Variants in PEPD observed in about 807,000 individuals in gnomAD.
PEPD encodes peptidase D.
A neutral mutation model predicts 60.7 loss-of-function variants in PEPD; 53 were observed. The observed-to-expected ratio is 0.87, with a 90% CI of 0.70 to 1.10. The LOEUF (loss-of-function observed/expected upper bound fraction) is 1.10, where lower values mean the gene tolerates loss of function less well. Ranked by LOEUF, PEPD falls within the 50% of genes least tolerant of loss-of-function variation. The pLI, the probability that PEPD is intolerant of heterozygous loss-of-function variation, is 0.00. For missense variants in PEPD, 711 were observed against 711.9 expected (o/e 1.00, Z 0.01); for synonymous variants, 267 against 284.1 (o/e 0.94, Z 0.60).
intron 9 of PEPD, among the ~76,000 whole-genome samples, chr19:33,431,514 C>T (rs865984097): frequency 1.3e-5 from 2 of 152,196 alleles, no homozygotes; most frequent in Non-Finnish European, 2.9e-5. Flanking sequence ...TCGATGTTTC[C>T]TTCATTATCT....
intron 11 of PEPD, among the ~76,000 whole-genome samples, chr19:33,408,127 G>T (rs1346372243): frequency 6.6e-6 from 1 of 152,256 alleles, no homozygotes; most frequent in East Asian, 1.9e-4. Flanking sequence ...TAGGAGGGGG[G>T]CCTAGCCAGC....
intron 9 of PEPD, among the ~76,000 whole-genome samples, chr19:33,438,040 C>G (rs1239495874): frequency 6.6e-6 from 1 of 152,230 alleles, no homozygotes; most frequent in African/African-American, 2.4e-5. Context: ...GGAGCCGGTG[C>G]ATGAGAGCCA....
At chr19:33,480,840 G>GTGTGTGTGTGTGTGTATA (rs151181225) in intron 6 of PEPD, among the ~76,000 whole-genome samples, 1 of 150,856 alleles carries the variant, frequency 6.6e-6, no homozygotes, top group Non-Finnish European at 1.5e-5. Flanking sequence ...GTGTGTGTGT[G>GTGTGTGTGTGTGTGTATA]TATATCAAAA....
At chr19:33,478,313 G>A (rs1167137921) in intron 6 of PEPD, among the ~76,000 whole-genome samples, 5 of 152,128 alleles carry the variant, frequency 3.3e-5, no homozygotes, top group Admixed American at 6.6e-5. Flanking sequence ...CAAGCTTTAT[G>A]GCTACAAAAC....
intron 4 of PEPD, among the ~76,000 whole-genome samples, chr19:33,494,297 TGAG>T (rs1184755321): frequency 2.6e-5 from 4 of 151,558 alleles, no homozygotes; most frequent in African/African-American, 7.3e-5. Context: ...AGGGGGAGAG[TGAG>T]GAGAACTTGT....
Position 33,478,057 on chromosome 19 carries a change from C to T in PEPD, c.537G>A (p.Glu179=), listed in dbSNP as rs1970252004. Residue 179 remains glutamate (E), a synonymous_variant, in exon 7 of 15, where the codon GAG becomes GAA. Coordinates refer to ENST00000244137, the MANE Select transcript of PEPD (RefSeq NM_000285.4). ...FEVNNTILHP[E]IVECRVFKTD... is the part of the protein sequence containing the mutation. ...CAGGCCGTACTCACCACTCAACGAT[C>T]TCTGGGTGAAGAATGGTATTGTTGA... 1 of 1,611,198 alleles carries T rather than the reference C, an allele frequency of 6.2e-7. No individual in the cohort carries two copies. Among genetic ancestry groups the T allele is most frequent in the Admixed American group, 1.7e-5 (1 of 59,846 alleles).
Position 33,401,702 on chromosome 19 carries a change from C to T in PEPD, c.967+19G>A. ...AACGCCACGTCAGATGCGCCTCCCC[C>T]CACCGACCCGCTGCTCACCTGGCTT... On this transcript the variant is annotated intron_variant, in intron 12 of 14. Transcript: ENST00000244137. The T allele has an allele frequency of 3.1e-6, 5 of 1,600,352 alleles. No individual in the cohort carries two copies. Among genetic ancestry groups the T allele is most frequent in the East Asian group, 2.3e-5 (1 of 43,952 alleles).
chr19:33,500,179 C>T lies in PEPD; in HGVS notation c.393+759G>A, dbSNP rs564360055. 1.9e-3 allele frequency among the ~76,000 whole-genome samples: 296 copies of T among 152,362 alleles called. 2 individuals are homozygous for T. The highest frequency in any genetic ancestry group is 6.7e-3 in the African/African-American group (280 of 41,582). On this transcript the variant is annotated intron_variant, in intron 4 of 14. Coordinates refer to ENST00000244137, the MANE Select transcript of PEPD (RefSeq NM_000285.4). ...ACTTCTGGGTGCTTCACATTCTACA[C>T]GGCACTGACCTGCACAGGACGTGGG...
chr19:33,476,207 A>T (rs1568490613), intron 7 of PEPD, among the ~76,000 whole-genome samples: 1 of 152,136 alleles, frequency 6.6e-6, no homozygotes, highest in Non-Finnish European at 1.5e-5. Context: ...AACTTGAAGA[A>T]CACCAGCCCT....
intron 4 of PEPD, 45 bp downstream of exon 4, chr19:33,500,893 A>C (rs1970695758): frequency 1.8e-6 from 2 of 1,122,988 alleles, no homozygotes; most frequent in Admixed American, 1.7e-5. Flanking sequence ...AGTGGAAGGC[A>C]TGCTGGAAGC....
intron 5 of PEPD, among the ~76,000 whole-genome samples, chr19:33,492,630 T>G (rs1970522509): frequency 6.6e-6 from 1 of 152,226 alleles, no homozygotes; most frequent in South Asian, 2.1e-4. Flanking sequence ...CCAGATCTGA[T>G]TTGTTCTACC....
At chr19:33,480,384 C>CTAAG (rs1787440226) in intron 6 of PEPD, among the ~76,000 whole-genome samples, 1 of 152,028 alleles carries the variant, frequency 6.6e-6, no homozygotes, top group Non-Finnish European at 1.5e-5. Flanking sequence ...TAACAGAGCC[C>CTAAG]TAAGATGTAT....
chr19:33,480,322 G>A (rs1038194313), intron 6 of PEPD, among the ~76,000 whole-genome samples: 2 of 152,078 alleles, frequency 1.3e-5, no homozygotes, highest in Admixed American at 6.6e-5. Flanking sequence ...ATTTTATAAC[G>A]ATAATTAGGT....
intron 6 of PEPD, 54 bp from the exon 7 acceptor site, chr19:33,478,144 G>A: frequency 2.5e-6 from 3 of 1,193,158 alleles, no homozygotes; most frequent in Non-Finnish European, 3.7e-6. Context: ...TCATGTCCCA[G>A]CAAGAACTAC....
chr19:33,425,654 G>C (rs868023219), intron 9 of PEPD, among the ~76,000 whole-genome samples: 56 of 151,902 alleles, frequency 3.7e-4, no homozygotes, highest in African/African-American at 1.3e-3. Context: ...TTCATGACGA[G>C]GATAAAAAGC....
intron 9 of PEPD, among the ~76,000 whole-genome samples, chr19:33,422,841 TCTATCC>T (rs1169252562): frequency 8.6e-5 from 13 of 150,866 alleles, no homozygotes; most frequent in Non-Finnish European, 1.5e-4. Context: ...TATCTATCCA[TCTATCC>T]ATCCATCCAT....
chr19:33,494,796 C>T (rs986979653), intron 4 of PEPD, among the ~76,000 whole-genome samples: 1 of 152,204 alleles, frequency 6.6e-6, no homozygotes. Flanking sequence ...TAAAAAATAA[C>T]AGCGCAGCCC....
At chr19:33,414,674 C>A (rs1405653016) in intron 9 of PEPD, among the ~76,000 whole-genome samples, 1 of 151,992 alleles carries the variant, frequency 6.6e-6, no homozygotes, top group African/African-American at 2.4e-5. Flanking sequence ...CCAGGCCTGC[C>A]TTAGAGAACG....
At chr19:33,519,642 C>T (rs1481781787) in intron 1 of PEPD, among the ~76,000 whole-genome samples, 1 of 152,182 alleles carries the variant, frequency 6.6e-6, no homozygotes, top group Non-Finnish European at 1.5e-5. Context: ...TGGCTCTTCC[C>T]AAGGAGACTG....
Sources: gnomAD v4.1 joint callset for allele counts (sites outside exome capture counted in the v4.1 genomes callset) on GRCh38, gnomAD v4.1.1 for gene constraint, MANE v1.5 for transcripts, NCBI Gene and HGNC (gene_info 2026-07-23, HGNC 2026-07-21) for gene names.